The following RBM6 variants were observed in gnomAD, a reference collection of about 807,000 sequenced individuals.
RBM6 encodes the protein RNA binding motif protein 6, also known as RNA-binding protein 6.
A neutral mutation model predicts 140.4 loss-of-function variants in RBM6; 23 were observed. That is an observed-to-expected ratio of 0.16 (90% CI 0.12 to 0.23). RBM6 has a LOEUF of 0.23. Among genes scored for constraint, RBM6 ranks in the 10% least tolerant of loss-of-function variants. The probability of loss-of-function intolerance (pLI) is 1.00; values close to 1 mark genes in which losing one functional copy is unlikely to be tolerated. For missense variants in RBM6, 1,139 were observed against 1,386.7 expected (o/e 0.82, Z 2.84); for synonymous variants, 439 against 475.6 (o/e 0.92, Z 1.00).
At chr3:50,033,370 T>G (rs2088298901) in intron 6 of RBM6, among the ~76,000 whole-genome samples, 1 of 152,194 alleles carries the variant, frequency 6.6e-6, no homozygotes, top group Non-Finnish European at 1.5e-5. Context: ...ACTATAATCT[T>G]GAGCTCCTGA....
intron 1 of RBM6, among the ~76,000 whole-genome samples, chr3:49,942,181 T>C (rs1243329333): frequency 6.6e-6 from 1 of 152,062 alleles, no homozygotes; most frequent in Non-Finnish European, 1.5e-5. Flanking sequence ...AAATTTGCTC[T>C]TTAAACCATT....
chr3:49,968,500 A>G lies in RBM6; in HGVS notation c.1075A>G (p.Asn359Asp). ...ACATGAGTCTCCAGCAGACTTTCAG[A>G]ACAGCCAAAGTCCAGTTCAAGACCA... ...FEHESPADFQ[N>D]SQSPVQDQDK... The change falls in exon 3 of 21, where the codon AAC (asparagine) becomes GAC (aspartate). Residue 359 changes from asparagine to aspartate, a missense_variant. Asn to Asp is a conservative substitution (Grantham distance 23). Transcript: ENST00000266022. The G allele has an allele frequency of 6.2e-7, 1 of 1,614,228 alleles. No individual in the cohort carries two copies. Among genetic ancestry groups the G allele is most frequent in the Non-Finnish European group, 8.5e-7 (1 of 1,180,040 alleles).
At position 50,060,563 on chromosome 3, in the gene RBM6, C is replaced by T. The variant is rs6786363; in HGVS notation, c.2229-393C>T. Among the ~76,000 whole-genome samples the T allele has an allele frequency of 6.2e-3, 912 of 146,806 alleles. 10 individuals are homozygous for T. The highest frequency in any genetic ancestry group is 0.022 in the African/African-American group (860 of 39,722). ...GAGATTGAGATCATCCTGGCTAACA[C>T]GGTAAAACCCCGTCTCTACTAAAAA... is the stretch of plus-strand genomic sequence containing the variant. On this transcript the variant is annotated intron_variant, in intron 11 of 20. Transcript: ENST00000266022.
At chr3:50,009,518 A>G (rs951814621) in intron 6 of RBM6, among the ~76,000 whole-genome samples, 5 of 152,232 alleles carry the variant, frequency 3.3e-5, no homozygotes, top group African/African-American at 1.2e-4. Context: ...CTTGTTAAGG[A>G]TATTGATGAA....
At chr3:50,058,114 C>A in intron 9 of RBM6, 111 bp downstream of exon 9, 1 of 1,323,102 alleles carries the variant, frequency 7.6e-7, no homozygotes, top group Non-Finnish European at 1.0e-6. Context: ...GAGATCTGTG[C>A]ATGACCTGAT....
chr3:49,984,616 GCATCGCATCGCATCGCATCGCATCGCA>G (rs2085468301), intron 5 of RBM6, among the ~76,000 whole-genome samples: 1 of 18,954 alleles, frequency 5.3e-5, no homozygotes, highest in Non-Finnish European at 1.5e-4. Context: ...ACATCACATC[GCATCGCATCGCATCGCATCGCATCGCA>G]TCGCATCGCA....
At chr3:49,947,144 C>T (rs376768489) in intron 1 of RBM6, among the ~76,000 whole-genome samples, 2 of 146,986 alleles carry the variant, frequency 1.4e-5, no homozygotes, top group African/African-American at 2.5e-5. Context: ...CCCAGCTACT[C>T]GGGAGGCTGA....
chr3:49,958,401 AAAAAC>A (rs542749410), intron 1 of RBM6, among the ~76,000 whole-genome samples: 1 of 152,082 alleles, frequency 6.6e-6, no homozygotes, highest in Non-Finnish European at 1.5e-5. Flanking sequence ...TAAAAATACA[AAAAAC>A]AAAACAAAAC....
intron 1 of RBM6, among the ~76,000 whole-genome samples, chr3:49,945,673 G>A (rs2083454753): frequency 6.6e-6 from 1 of 151,984 alleles, no homozygotes; most frequent in African/African-American, 2.4e-5. Context: ...ACAAGGTCAG[G>A]AGATCGAGAC....
intron 5 of RBM6, among the ~76,000 whole-genome samples, chr3:49,985,902 G>A (rs1169418569): frequency 6.6e-6 from 1 of 151,936 alleles, no homozygotes; most frequent in East Asian, 1.9e-4. Flanking sequence ...CACCATGCCT[G>A]GCCTTAAGAA....
At chr3:50,036,159 T>C (rs940259384) in intron 6 of RBM6, among the ~76,000 whole-genome samples, 1 of 152,234 alleles carries the variant, frequency 6.6e-6, no homozygotes, top group African/African-American at 2.4e-5. Flanking sequence ...GCTCCCAAAG[T>C]GCTGGGATTA....
At chr3:49,977,537 C>G (rs1429537381) in intron 5 of RBM6, among the ~76,000 whole-genome samples, 2 of 152,070 alleles carry the variant, frequency 1.3e-5, no homozygotes, top group Non-Finnish European at 2.9e-5. Context: ...ATATTTTTCT[C>G]CGTGGTTTTG....
At chr3:49,945,829 C>A (rs2083460505) in intron 1 of RBM6, among the ~76,000 whole-genome samples, 1 of 143,038 alleles carries the variant, frequency 7.0e-6, no homozygotes, top group Non-Finnish European at 1.5e-5. Flanking sequence ...TTGCAGTGAG[C>A]CAAAATCGCG....
At chr3:50,007,058 G>C (rs536924867) in intron 6 of RBM6, among the ~76,000 whole-genome samples, 1 of 151,700 alleles carries the variant, frequency 6.6e-6, no homozygotes, top group South Asian at 2.1e-4. Flanking sequence ...GCTTAATGGA[G>C]TATATGGCAA....
chr3:50,022,101 A>T (rs2087524268), intron 6 of RBM6, among the ~76,000 whole-genome samples: 1 of 152,072 alleles, frequency 6.6e-6, no homozygotes, highest in Non-Finnish European at 1.5e-5. Flanking sequence ...TAATAAATGT[A>T]TTCAAATTCC....
At chr3:50,076,305 G>A (rs1170401518) in intron 20 of RBM6, among the ~76,000 whole-genome samples, 1 of 151,662 alleles carries the variant, frequency 6.6e-6, no homozygotes, top group Admixed American at 6.6e-5. Flanking sequence ...GCCAGGGTCC[G>A]GGCGCAGTGG....
intron 6 of RBM6, among the ~76,000 whole-genome samples, chr3:50,008,290 A>C (rs2086678102): frequency 6.6e-6 from 1 of 152,354 alleles, no homozygotes; most frequent in South Asian, 2.1e-4. Context: ...TTTTGTCACA[A>C]ATCATGGTTT....
chr3:49,958,250 C>T (rs2084098225), intron 1 of RBM6, among the ~76,000 whole-genome samples: 1 of 150,086 alleles, frequency 6.7e-6, no homozygotes, highest in Non-Finnish European at 1.5e-5. Flanking sequence ...ACAGTGAAAC[C>T]CCGTCTCTAC....
intron 1 of RBM6, among the ~76,000 whole-genome samples, chr3:49,960,749 G>A (rs1264303914): frequency 2.6e-5 from 4 of 152,114 alleles, no homozygotes; most frequent in African/African-American, 7.2e-5. Context: ...TGCTCATGCT[G>A]GATGGTGTCC....
Sources: allele counts gnomAD v4.1 joint callset (sites outside exome capture counted in the v4.1 genomes callset), GRCh38; gene constraint gnomAD v4.1.1; transcripts MANE v1.5; gene names NCBI Gene and HGNC (gene_info 2026-07-23, HGNC 2026-07-21).